Variants in ZFHX3 observed in about 807,000 individuals in gnomAD.
ZFHX3 encodes the protein zinc finger homeobox protein 3.
A neutral mutation model predicts 279.1 loss-of-function variants in ZFHX3; 42 were observed. The observed-to-expected ratio is 0.15, with a 90% CI of 0.12 to 0.19. ZFHX3 has a LOEUF of 0.19. ZFHX3 is among the 10% of genes least tolerant of loss of function. The probability of loss-of-function intolerance (pLI) is 1.00; values close to 1 mark genes in which losing one functional copy is unlikely to be tolerated. For synonymous variants in ZFHX3, 2,293 were observed against 1,957.8 expected, an observed-to-expected ratio of 1.17 and a Z score of -4.52; for missense variants, 4,981 against 4,754.0, an observed-to-expected ratio of 1.05 and a Z score of -1.40.
chr16:73,435,777 A>G (rs938581592), intron 3 of ZFHX3, among the ~76,000 whole-genome samples: 3 of 152,206 alleles, frequency 2.0e-5, no homozygotes, highest in Admixed American at 1.3e-4. Flanking sequence ...TGGGGCTCAC[A>G]GGTACTCACC....
At chr16:72,916,460 G>A (rs1358137986) in intron 3 of ZFHX3, among the ~76,000 whole-genome samples, 1 of 152,280 alleles carries the variant, frequency 6.6e-6, no homozygotes. Context: ...CCTGTCCAGC[G>A]TTTCTAATAA....
rs112041519 is a variant in ZFHX3 at position 73,700,216 on chromosome 16, C to G, written c.-1607-19976G>C. ...AACCTGGGAAACAGAGAGAGGGAGA[C>G]TCTGTCTCAAAAAAAAAGAAAAGAA... On this transcript the variant is annotated intron_variant, in intron 1 of 17. Transcript: ENST00000641206. 3.0e-3 allele frequency among the ~76,000 whole-genome samples: 451 copies of G among 152,088 alleles called. 10 individuals carry two copies. The highest frequency in any genetic ancestry group is 9.4e-3 in the African/African-American group (392 of 41,482).
chr16:73,804,522 G>A (rs1428486663), intron 1 of ZFHX3, among the ~76,000 whole-genome samples: 1 of 152,126 alleles, frequency 6.6e-6, no homozygotes, highest in Non-Finnish European at 1.5e-5. Context: ...CAGGGGCCAA[G>A]GAAAGCTTTA....
At chr16:73,881,480 G>GGCCCCC in intron 1 of ZFHX3, among the ~76,000 whole-genome samples, 1 of 23,578 alleles carries the variant, frequency 4.2e-5, no homozygotes, top group East Asian at 1.5e-3. Flanking sequence ...CTCTCTCTCT[G>GGCCCCC]CCCCCCCCCC....
intron 5 of ZFHX3, among the ~76,000 whole-genome samples, chr16:73,200,325 A>G (rs1968243144): frequency 6.6e-6 from 1 of 152,172 alleles, no homozygotes; most frequent in South Asian, 2.1e-4. Context: ...ATTACTAGGA[A>G]ATATTTTTTG....
At chr16:73,684,225 T>C (rs1254291322) in intron 1 of ZFHX3, among the ~76,000 whole-genome samples, 1 of 152,006 alleles carries the variant, frequency 6.6e-6, no homozygotes, top group Admixed American at 6.5e-5. Context: ...GCCCAGGAGG[T>C]CAAGGGAATC....
At chr16:73,625,089 T>C (rs1383661959) in intron 2 of ZFHX3, among the ~76,000 whole-genome samples, 1 of 152,202 alleles carries the variant, frequency 6.6e-6, no homozygotes, top group Non-Finnish European at 1.5e-5. Flanking sequence ...GAGAAAAATG[T>C]CTTTGGATTC....
intron 2 of ZFHX3, chr16:73,610,038 A>G (rs1229130056): frequency 6.6e-6 from 1 of 152,174 alleles, no homozygotes; most frequent in African/African-American, 2.4e-5. Flanking sequence ...GAGATTTCAA[A>G]CGGGCAATGT....
chr16:73,775,001 T>C (rs2054060732), intron 1 of ZFHX3, among the ~76,000 whole-genome samples: 1 of 152,104 alleles, frequency 6.6e-6, no homozygotes, highest in Non-Finnish European at 1.5e-5. Context: ...TCTCTTGGAC[T>C]CTGCTAGCAG....
intron 3 of ZFHX3, among the ~76,000 whole-genome samples, chr16:73,453,737 AC>A (rs1460860389): frequency 6.6e-6 from 1 of 152,248 alleles, no homozygotes; most frequent in African/African-American, 2.4e-5. Flanking sequence ...TCACAGTTCC[AC>A]ATGGCTGGGG....
chr16:73,076,151 C>T (rs1346797448), intron 8 of ZFHX3, among the ~76,000 whole-genome samples: 1 of 152,092 alleles, frequency 6.6e-6, no homozygotes, highest in African/African-American at 2.4e-5. Flanking sequence ...TAGCACAATC[C>T]CTGGCACATG....
chr16:73,592,170 T>C (rs1482458003), intron 2 of ZFHX3, among the ~76,000 whole-genome samples: 1 of 151,844 alleles, frequency 6.6e-6, no homozygotes, highest in African/African-American at 2.4e-5. Context: ...GAGGCGGAGG[T>C]TGCAGTGAGC....
At chr16:73,197,323 C>T (rs192895028) in intron 5 of ZFHX3, among the ~76,000 whole-genome samples, 6 of 152,176 alleles carry the variant, frequency 3.9e-5, no homozygotes, top group South Asian at 2.1e-4. Context: ...GCTATATCCA[C>T]GGCATGAGAG....
chr16:73,020,546 G>C (rs1340258224), intron 1 of ZFHX3, among the ~76,000 whole-genome samples: 1 of 152,192 alleles, frequency 6.6e-6, no homozygotes, highest in African/African-American at 2.4e-5. Flanking sequence ...AAACCACTGT[G>C]TAGCCAGCTG....
At position 73,337,231 on chromosome 16, in the gene ZFHX3, C is replaced by T. The variant is rs530555504; in HGVS notation, c.-1290-18895G>A. On this transcript the variant is annotated intron_variant, in intron 3 of 17. Transcript: ENST00000641206. ...GACCCAACCTTCCATCCATTCCTAA[C>T]CTCCCAAATCCTTATCCTACGTCCT... is the stretch of plus-strand genomic sequence containing the variant. 3.3e-5 allele frequency among the ~76,000 whole-genome samples: 5 copies of T among 152,282 alleles called. No individual in the cohort carries two copies. The South Asian group carries it at 1.0e-3, about 32-fold the overall frequency.
intron 1 of ZFHX3, among the ~76,000 whole-genome samples, chr16:73,788,536 G>A (rs558749826): frequency 6.6e-6 from 1 of 152,244 alleles, no homozygotes; most frequent in South Asian, 2.1e-4. Context: ...TGTGTTGTAT[G>A]TCTGCTCTGC....
At chr16:73,247,330 G>A (rs1422961301) in intron 5 of ZFHX3, among the ~76,000 whole-genome samples, 1 of 150,184 alleles carries the variant, frequency 6.7e-6, no homozygotes. Flanking sequence ...GTGTAGGTGT[G>A]TGTATACTGT....
chr16:73,476,790 C>G (rs1313847170), intron 2 of ZFHX3, among the ~76,000 whole-genome samples: 1 of 152,174 alleles, frequency 6.6e-6, no homozygotes, highest in Non-Finnish European at 1.5e-5. Context: ...CTAACAAGTT[C>G]ATTAAAAAAT....
At chr16:73,830,826 C>T (rs768090316) in intron 1 of ZFHX3, among the ~76,000 whole-genome samples, 2 of 152,070 alleles carry the variant, frequency 1.3e-5, no homozygotes, top group African/African-American at 4.8e-5. Flanking sequence ...CCAAAGATGC[C>T]GTTCCTCTGG....
Sources: gnomAD v4.1 joint callset for allele counts (sites outside exome capture counted in the v4.1 genomes callset) on GRCh38, gnomAD v4.1.1 for gene constraint, MANE v1.5 for transcripts, NCBI Gene and HGNC (gene_info 2026-07-23, HGNC 2026-07-21) for gene names.